Variants in PSG6 observed in about 807,000 individuals in gnomAD.
The protein encoded by PSG6 is pregnancy-specific beta-1-glycoprotein 6.
A neutral mutation model predicts 43.3 loss-of-function variants in PSG6; 51 were observed. The observed-to-expected ratio is 1.18, with a 90% CI of 0.94 to 1.49. The LOEUF (loss-of-function observed/expected upper bound fraction) is 1.49, where lower values mean the gene tolerates loss of function less well. PSG6 is among the 40% of genes most tolerant of loss of function. PSG6 has a pLI of 0.00. For synonymous variants in PSG6, 292 were observed against 197.6 expected (o/e 1.48, Z -4.01); for missense variants, 770 against 522.2 (o/e 1.47, Z -4.62).
intron 5 of PSG6, among the ~76,000 whole-genome samples, chr19:42,906,351 A>G (rs1972111407): frequency 6.6e-6 from 1 of 151,490 alleles, no homozygotes; most frequent in East Asian, 2.0e-4. Flanking sequence ...CAACTTCAGG[A>G]CAGGCCACCA....
At chr19:42,905,719 T>C (rs1275179671) in intron 5 of PSG6, among the ~76,000 whole-genome samples, 1 of 151,698 alleles carries the variant, frequency 6.6e-6, no homozygotes, top group East Asian at 1.9e-4. Flanking sequence ...TATCTATACA[T>C]TGAAATGTTA....
At chr19:42,916,627 A>G in intron 1 of PSG6, 140 bp from the exon 2 acceptor site, 1 of 1,293,362 alleles carries the variant, frequency 7.7e-7, no homozygotes, top group South Asian at 1.5e-5. Flanking sequence ...CACACACACA[A>G]AAGGGCATGT....
chr19:42,915,103 TAGA>T (rs1406272272), intron 2 of PSG6, among the ~76,000 whole-genome samples: 2 of 151,434 alleles, frequency 1.3e-5, no homozygotes, highest in African/African-American at 4.9e-5. Context: ...TCACTTCTGG[TAGA>T]GGAGAGGATG....
At position 42,911,592 on chromosome 19, in the gene PSG6, A is replaced by G. The variant is rs557072361; in HGVS notation, c.428-734T>C. 2.0e-5 allele frequency among the ~76,000 whole-genome samples: 3 copies of G among 151,842 alleles called. No homozygotes were observed. The East Asian group carries it at 5.8e-4, about 29-fold the overall frequency. On this transcript the variant is annotated intron_variant, in intron 2 of 5. Transcript: ENST00000187910. ...AGACCATGATCCCTGTTCTGGGTCC[A>G]TGATGCTCCCTTCCCCCTGTAGAGG...
Position 42,916,543 on chromosome 19 carries a change from G to C in PSG6, c.65-56C>G, listed in dbSNP as rs188940870. 1,062 of 1,563,974 alleles carry C rather than the reference G, an allele frequency of 6.8e-4. 19 individuals are homozygous for C. In the African/African-American group the frequency reaches 0.013, roughly 18 times the overall value. On this transcript the variant is annotated intron_variant, in intron 1 of 5. Coordinates refer to ENST00000187910, the MANE Select transcript of PSG6 (RefSeq NM_001031850.4). Reference sequence around the variant, plus strand: ...TTGGACCTATGTATTGGGGTGAAAAGATGGGGCCCTGTGTCCTGAGAAGGT... The same window carrying C: ...TTGGACCTATGTATTGGGGTGAAAACATGGGGCCCTGTGTCCTGAGAAGGT...
At chr19:42,906,593 A>T in intron 5 of PSG6, 1 of 1,337,162 alleles carries the variant, frequency 7.5e-7, no homozygotes, top group Non-Finnish European at 9.9e-7. Flanking sequence ...GCAGAAGGGG[A>T]TGTGTTCGTG....
At chr19:42,902,510 T>G in intron 5 of PSG6, 64 bp from the exon 6 acceptor site, 2 of 1,592,410 alleles carry the variant, frequency 1.3e-6, no homozygotes, top group Admixed American at 3.5e-5. Context: ...AGAGAAAGCT[T>G]CTTTCCCACA....
rs775243502 is a variant in PSG6 at position 42,917,743 on chromosome 19, C to G, written c.50G>C (p.Gly17Ala). 44 of 1,610,088 alleles carry G rather than the reference C, an allele frequency of 2.7e-5. 3 individuals are homozygous for G. The East Asian group carries it at 9.8e-4, about 36-fold the overall frequency. The change falls in exon 1 of 6, where the codon GGG (glycine) becomes GCG (alanine). Residue 17 changes from glycine (G) to alanine (A), a missense_variant. Coordinates refer to ENST00000187910, the MANE Select transcript of PSG6 (RefSeq NM_001031850.4). ...CCTCTCCTCACCTGTGAGCAGGAGCCCCTTCCAGGTGATGTGCTGAGTGCA... is the reference window on the plus strand; with the variant it reads ...CCTCTCCTCACCTGTGAGCAGGAGCGCCTTCCAGGTGATGTGCTGAGTGCA... Reference protein sequence around the residue: ...PPCTQHITWKGLLLTASLLNF... With the variant: ...PPCTQHITWKALLLTASLLNF...
In PSG6 at chr19:42,916,484, G is replaced by A. The variant is rs370759098; in HGVS notation, c.68C>T (p.Ser23Leu). The change falls in exon 2 of 6, where the codon TCA becomes TTA. Residue 23 changes from serine (S) to leucine (L), a missense_variant. Transcript: ENST00000187910. ...ITWKGLLLTASLLNFWNLPTT... is the reference protein window; with the variant it reads ...ITWKGLLLTALLLNFWNLPTT... ...GGGCAGGTTCCAGAAGTTTAAAAGT[G>A]ATGCTAGGAGGTAGAGACAGCATCA... is the stretch of plus-strand genomic sequence containing the variant. The A allele has an allele frequency of 5.6e-6, 9 of 1,608,888 alleles. No homozygotes were observed. The highest frequency in any genetic ancestry group is 4.5e-5 in the East Asian group (2 of 44,756).
intron 2 of PSG6, among the ~76,000 whole-genome samples, chr19:42,914,432 G>T (rs1027132473): frequency 1.3e-5 from 2 of 149,160 alleles, no homozygotes; most frequent in African/African-American, 5.0e-5. Flanking sequence ...GAGGGACACA[G>T]AGAAGCAGAG....
At chr19:42,905,765 G>A (rs1383047222) in intron 5 of PSG6, among the ~76,000 whole-genome samples, 2 of 151,522 alleles carry the variant, frequency 1.3e-5, no homozygotes, top group Non-Finnish European at 2.9e-5. Flanking sequence ...ACAATACATC[G>A]TGCAAAATGG....
At chr19:42,914,440 G>C (rs1972284705) in intron 2 of PSG6, among the ~76,000 whole-genome samples, 1 of 148,512 alleles carries the variant, frequency 6.7e-6, no homozygotes, top group East Asian at 2.0e-4. Flanking sequence ...CAGAGAAGCA[G>C]AGAGAGGCAG....
intron 5 of PSG6, among the ~76,000 whole-genome samples, chr19:42,903,452 T>C (rs1192374041): frequency 5.9e-5 from 9 of 151,476 alleles, no homozygotes; most frequent in African/African-American, 1.9e-4. Context: ...TTAGGGTGGA[T>C]ATAAATAAAA....
At chr19:42,915,074 C>T (rs1171632941) in intron 2 of PSG6, among the ~76,000 whole-genome samples, 1 of 151,516 alleles carries the variant, frequency 6.6e-6, no homozygotes, top group African/African-American at 2.4e-5. Flanking sequence ...CTATGGGGTC[C>T]TTGGAACCCA....
Position 42,910,701 on chromosome 19 carries a change from G to C in PSG6, c.585C>G (p.Ser195=), listed in dbSNP as rs397832567. The C allele has an allele frequency of 6.2e-7, 1 of 1,612,334 alleles. No individual in the cohort carries two copies. Among genetic ancestry groups the C allele is most frequent in the Admixed American group, 1.7e-5 (1 of 59,908 alleles). The change falls in exon 3 of 6, where the codon TCC becomes TCG. Residue 195 remains serine, a synonymous_variant. Transcript: ENST00000187910. The part of the protein sequence containing the change: ...NLPMTHRLQL[S]KTNRTLYLFG... ...ATAGATAGAGGGTCCTGTTGGTTTT[G>C]GACAGCTGCAACCTGTGAGTCATAG...
intron 5 of PSG6, among the ~76,000 whole-genome samples, chr19:42,904,014 T>G (rs187591142): frequency 1.3e-5 from 2 of 151,870 alleles, no homozygotes; most frequent in Admixed American, 1.3e-4. Context: ...ATAACCTAGA[T>G]GAAATAGACA....
In PSG6 at chr19:42,907,087, G is replaced by A; in HGVS notation, c.1075C>T (p.Pro359Ser). 6.2e-7 allele frequency: 1 copy of A among 1,612,736 alleles called. No homozygotes were observed. Among genetic ancestry groups the A allele is most frequent in the Non-Finnish European group, 8.5e-7 (1 of 1,179,288 alleles). Residue 359 changes from proline (P) to serine (S), a missense_variant, in exon 5 of 6, where the codon CCA becomes TCA. Transcript: ENST00000187910. ...ATTGTCCAAGAATACTCTGCCGGTG[G>A]GTTAGAGTCCGCAAAGCAGGACAAG... The part of the protein sequence containing the change: ...LDLSCFADSN[P>S]PAEYSWTING...
Position 42,916,294 on chromosome 19 carries a change from AC to A in PSG6, c.257del (p.Gly86ValfsTer22). On this transcript the variant is annotated frameshift_variant, in exon 2 of 6. Coordinates refer to ENST00000187910, the MANE Select transcript of PSG6 (RefSeq NM_001031850.4). LOFTEE classifies it high-confidence loss of function. The stretch of plus-strand genomic sequence containing the variant: ...TGTAGGCAGGCCCATATATAATTTG[AC>A]CGTGTACTACATATGATGTAATGTA... The part of the protein sequence containing the change: ...YHYITSYVVH[G>X]QIIYGPAYSG... The A allele has an allele frequency of 6.2e-7, 1 of 1,611,996 alleles. No homozygotes were observed. The highest frequency in any genetic ancestry group is 1.1e-5 in the South Asian group (1 of 90,630).
intron 5 of PSG6, among the ~76,000 whole-genome samples, chr19:42,905,874 A>T (rs1282427054): frequency 6.6e-6 from 1 of 151,658 alleles, no homozygotes; most frequent in Non-Finnish European, 1.5e-5. Context: ...ATAGCCAGTT[A>T]CATAGAGACA....
Sources: allele counts gnomAD v4.1 joint callset (sites outside exome capture counted in the v4.1 genomes callset), GRCh38; gene constraint gnomAD v4.1.1; transcripts MANE v1.5; gene names NCBI Gene and HGNC (gene_info 2026-07-23, HGNC 2026-07-21).